SGCZ: variants seen among roughly 807,000 people sequenced by gnomAD.
SGCZ encodes the protein sarcoglycan zeta.
Under a neutral mutation model 41.3 loss-of-function variants are expected in SGCZ, and 40 were observed. The observed-to-expected ratio is 0.97, with a 90% CI of 0.75 to 1.26. SGCZ has a LOEUF of 1.26. SGCZ is among the 50% of genes most tolerant of loss of function. SGCZ has a pLI of 0.00. For missense variants in SGCZ, 552 were observed against 369.8 expected, an observed-to-expected ratio of 1.49 and a Z score of -4.04; for synonymous variants, 206 against 137.5, an observed-to-expected ratio of 1.50 and a Z score of -3.49.
At chr8:15,076,691 T>A (rs901335488) in intron 1 of SGCZ, among the ~76,000 whole-genome samples, 1 of 151,936 alleles carries the variant, frequency 6.6e-6, no homozygotes. Context: ...GGTTATACCT[T>A]TGAACTTTTC....
chr8:14,552,354 C>T (rs1176553781), intron 2 of SGCZ, among the ~76,000 whole-genome samples: 1 of 151,958 alleles, frequency 6.6e-6, no homozygotes, highest in Non-Finnish European at 1.5e-5. Context: ...AGTGTGTTAC[C>T]TTACAAAGAG....
chr8:14,902,631 C>G (rs1205928137), intron 1 of SGCZ, among the ~76,000 whole-genome samples: 1 of 152,024 alleles, frequency 6.6e-6, no homozygotes, highest in Non-Finnish European at 1.5e-5. Flanking sequence ...ACTATGCCAG[C>G]CTCTTCAGAA....
chr8:14,729,537 G>C (rs1025274162), intron 1 of SGCZ, among the ~76,000 whole-genome samples: 16 of 152,138 alleles, frequency 1.1e-4, no homozygotes, highest in African/African-American at 3.9e-4. Context: ...GCAGAGAATA[G>C]GCCATGTGAG....
intron 3 of SGCZ, among the ~76,000 whole-genome samples, chr8:14,289,005 T>A (rs967011910): frequency 6.6e-6 from 1 of 152,166 alleles, no homozygotes; most frequent in Non-Finnish European, 1.5e-5. Context: ...TTGTGGTTTT[T>A]ATTTGTGTTT....
At chr8:14,238,525 A>G (rs1322763505) in intron 3 of SGCZ, among the ~76,000 whole-genome samples, 1 of 152,156 alleles carries the variant, frequency 6.6e-6, no homozygotes, top group Non-Finnish European at 1.5e-5. Flanking sequence ...TTTATTAGTA[A>G]TTTAGCATTT....
intron 1 of SGCZ, among the ~76,000 whole-genome samples, chr8:15,082,035 C>T (rs1805769308): frequency 6.6e-6 from 1 of 152,022 alleles, no homozygotes; most frequent in Non-Finnish European, 1.5e-5. Flanking sequence ...CTGCGACCAA[C>T]CTGGCCAACA....
intron 1 of SGCZ, among the ~76,000 whole-genome samples, chr8:14,829,824 G>GT (rs1407107417): frequency 2.6e-5 from 4 of 151,884 alleles, no homozygotes; most frequent in African/African-American, 9.7e-5. Context: ...TTTTGTTTTT[G>GT]TTTTTTGGAC....
chr8:14,539,824 T>G (rs1367480114), intron 2 of SGCZ, among the ~76,000 whole-genome samples: 1 of 151,938 alleles, frequency 6.6e-6, no homozygotes, highest in Non-Finnish European at 1.5e-5. Flanking sequence ...GTTAGTTTGC[T>G]AAGGATAATG....
Position 15,049,551 on chromosome 8 carries a change from G to C in SGCZ, c.39+188034C>G, listed in dbSNP as rs1487648287. 2.0e-5 allele frequency among the ~76,000 whole-genome samples: 3 copies of C among 152,174 alleles called. No individual in the cohort carries two copies. The East Asian group carries it at 5.8e-4, about 29-fold the overall frequency. ...TGACTCTCCAATATTGAATGATTTA[G>C]AGAAGGCCAGGAGTGGAAGCATGGA... On this transcript the variant is annotated intron_variant, in intron 1 of 7. Transcript: ENST00000382080.
intron 1 of SGCZ, among the ~76,000 whole-genome samples, chr8:14,816,560 A>G (rs1801907995): frequency 6.6e-6 from 1 of 152,188 alleles, no homozygotes; most frequent in Non-Finnish European, 1.5e-5. Context: ...ATACAATGGA[A>G]TGATGTTGGA....
At chr8:15,058,313 G>A (rs2131005844) in intron 1 of SGCZ, among the ~76,000 whole-genome samples, 1 of 152,144 alleles carries the variant, frequency 6.6e-6, no homozygotes, top group Non-Finnish European at 1.5e-5. Flanking sequence ...GTCCAATTTG[G>A]AACATGCCAC....
At chr8:15,205,338 A>G (rs1387355521) in intron 1 of SGCZ, among the ~76,000 whole-genome samples, 1 of 152,216 alleles carries the variant, frequency 6.6e-6, no homozygotes, top group East Asian at 1.9e-4. Context: ...AATGGGAGAA[A>G]ATATTTGCAA....
chr8:14,342,410 G>A (rs563372985), intron 2 of SGCZ, among the ~76,000 whole-genome samples: 7 of 152,012 alleles, frequency 4.6e-5, no homozygotes, highest in African/African-American at 1.2e-4. Flanking sequence ...TCTGCCTCCC[G>A]GGTTCATGCC....
rs182241792 is a variant in SGCZ at position 14,859,025 on chromosome 8, C to G, written c.40-304099G>C. 2.0e-4 allele frequency among the ~76,000 whole-genome samples: 31 copies of G among 152,168 alleles called. No homozygotes were observed. The East Asian group carries it at 5.8e-3, about 28-fold the overall frequency. The stretch of plus-strand genomic sequence containing the variant: ...TAATATTCATATCTGAATAACTTTT[C>G]TGTCAGTTATTATTTTAGGTCAAAA... On this transcript the variant is annotated intron_variant, in intron 1 of 7. Transcript: ENST00000382080.
chr8:14,995,159 G>C (rs2130901706), intron 1 of SGCZ, among the ~76,000 whole-genome samples: 1 of 152,372 alleles, frequency 6.6e-6, no homozygotes, highest in East Asian at 1.9e-4. Flanking sequence ...GAGGCATTTG[G>C]ACAGGGAGAC....
At chr8:14,346,615 T>G (rs918705060) in intron 2 of SGCZ, among the ~76,000 whole-genome samples, 8 of 152,030 alleles carry the variant, frequency 5.3e-5, no homozygotes, top group Non-Finnish European at 1.0e-4. Context: ...TTCATTTATC[T>G]TATCACAAAA....
chr8:14,784,277 C>A (rs1424560471), intron 1 of SGCZ, among the ~76,000 whole-genome samples: 1 of 151,814 alleles, frequency 6.6e-6, no homozygotes. Context: ...GTCTTGAACT[C>A]CTGGGTTTAT....
intron 1 of SGCZ, among the ~76,000 whole-genome samples, chr8:14,903,965 A>G (rs1420365086): frequency 6.6e-6 from 1 of 152,046 alleles, no homozygotes; most frequent in African/African-American, 2.4e-5. Context: ...ATGATTAGTA[A>G]TATTTCGTAA....
chr8:14,414,162 C>T (rs1166513422), intron 2 of SGCZ, among the ~76,000 whole-genome samples: 1 of 151,806 alleles, frequency 6.6e-6, no homozygotes, highest in Non-Finnish European at 1.5e-5. Flanking sequence ...CAAAAAATAG[C>T]CTAACACAGA....
Sources: allele counts gnomAD v4.1 joint callset (sites outside exome capture counted in the v4.1 genomes callset), GRCh38; gene constraint gnomAD v4.1.1; transcripts MANE v1.5; gene names NCBI Gene and HGNC (gene_info 2026-07-23, HGNC 2026-07-21).